STK24: variants seen among roughly 807,000 people sequenced by gnomAD.
STK24 encodes serine/threonine-protein kinase 24.
In STK24, 21 loss-of-function variants were observed where a neutral mutation model predicts 55.6. The observed-to-expected ratio is 0.38, with a 90% confidence interval of 0.27 to 0.54. The LOEUF is 0.54. STK24 is among the 20% of genes least tolerant of loss of function. The pLI is 0.79. For missense variants in STK24, 383 were observed against 538.4 expected, an observed-to-expected ratio of 0.71 and a Z score of 2.86; for synonymous variants, 200 against 215.2, an observed-to-expected ratio of 0.93 and a Z score of 0.62.
At chr13:98,567,210 G>A (rs746617965) in intron 1 of STK24, among the ~76,000 whole-genome samples, 1 of 152,192 alleles carries the variant, frequency 6.6e-6, no homozygotes, top group African/African-American at 2.4e-5. Flanking sequence ...CCCCCAGCGC[G>A]CAGACACCAC....
chr13:98,542,759 A>C (rs1896923325), intron 1 of STK24: 4 of 891,884 alleles, frequency 4.5e-6, no homozygotes, highest in Non-Finnish European at 5.4e-6. Context: ...ACAGCCCTAG[A>C]AAGGCTGATG....
chr13:98,456,578 G>T, intron 10 of STK24: 1 of 488,418 alleles, frequency 2.0e-6, no homozygotes, highest in South Asian at 1.5e-5. Context: ...AAGTTGGGAG[G>T]GGGCAGGGAG....
chr13:98,457,538 C>G (rs1292958050), intron 9 of STK24, among the ~76,000 whole-genome samples: 1 of 147,650 alleles, frequency 6.8e-6, no homozygotes, highest in Non-Finnish European at 1.5e-5. Context: ...GGCGTGATCT[C>G]AGCTCACTGC....
At chr13:98,496,931 C>T (rs1457357066) in intron 2 of STK24, among the ~76,000 whole-genome samples, 1 of 152,196 alleles carries the variant, frequency 6.6e-6, no homozygotes, top group African/African-American at 2.4e-5. Flanking sequence ...CAGTGAAATG[C>T]GCAAGCCACA....
intron 1 of STK24, among the ~76,000 whole-genome samples, chr13:98,565,504 T>G (rs1358175547): frequency 6.6e-6 from 1 of 151,830 alleles, no homozygotes; most frequent in African/African-American, 2.4e-5. Context: ...TGGTCGCGGG[T>G]GCCTGTAATC....
In STK24 at chr13:98,545,566, A is replaced by G. The variant is rs1240683467; in HGVS notation, c.43-26093T>C. On this transcript the variant is annotated intron_variant, in intron 1 of 10. Transcript: ENST00000539966. Reference sequence around the variant, plus strand: ...GGAGAATGGCGTGAACCCGGGAGGCAGAGCTTGCAGTGAGCCGAGATTACG... The same window carrying G: ...GGAGAATGGCGTGAACCCGGGAGGCGGAGCTTGCAGTGAGCCGAGATTACG... Among the ~76,000 whole-genome samples, 10 of 150,866 alleles carry G rather than the reference A, an allele frequency of 6.6e-5. No homozygotes were observed. The East Asian group carries it at 1.8e-3, about 27-fold the overall frequency.
rs553807150 is a variant in STK24, at chr13:98,462,579, A to G, written c.930-682T>C. 8.6e-5 allele frequency among the ~76,000 whole-genome samples: 13 copies of G among 151,358 alleles called. No individual in the cohort carries two copies. The East Asian group carries it at 2.5e-3, about 30-fold the overall frequency. On this transcript the variant is annotated intron_variant, in intron 7 of 10. Coordinates refer to ENST00000539966, the MANE Select transcript of STK24 (RefSeq NM_001032296.4). ...CCCTCTCACTCACAGGCGGAGCCTC[A>G]CCCTCACACCTAGGGGCCAGCCTCA...
At chr13:98,471,325 G>A (rs1271714602) in intron 5 of STK24, among the ~76,000 whole-genome samples, 18 of 152,100 alleles carry the variant, frequency 1.2e-4, no homozygotes, top group Non-Finnish European at 1.9e-4. Context: ...TTTTCACCAT[G>A]GTTACACTTC....
At chr13:98,467,024 C>T (rs566342469) in intron 5 of STK24, among the ~76,000 whole-genome samples, 28 of 152,276 alleles carry the variant, frequency 1.8e-4, no homozygotes, top group African/African-American at 6.0e-4. Context: ...AGTCCTGTGA[C>T]GTTAGATGAA....
rs575288091 is a variant in STK24, at chr13:98,562,917, T to TAAA, written c.42+13825_42+13827dup. ...GGCAACAGAGTGAGACTCCCTCTCT[T>TAAA]AAAAAAAAAAAAAAAAAAAGGTAAA... On this transcript the variant is annotated intron_variant, in intron 1 of 10. Coordinates refer to ENST00000539966, the MANE Select transcript of STK24 (RefSeq NM_001032296.4). Among the ~76,000 whole-genome samples the TAAA allele has an allele frequency of 1.3e-3, 146 of 109,116 alleles. 1 individual carries two copies. The highest frequency in any genetic ancestry group is 0.012 in the South Asian group (41 of 3,368). 71.6% of individuals were successfully genotyped at this position (109,116 alleles called of 152,430 possible). A position where few individuals can be genotyped will look rare whatever the true frequency, so the allele number is the denominator to read the frequency against.
chr13:98,548,807 A>G (rs1438230229), intron 1 of STK24, among the ~76,000 whole-genome samples: 1 of 141,474 alleles, frequency 7.1e-6, no homozygotes, highest in African/African-American at 2.7e-5. Context: ...GGTTGCAGTG[A>G]CCCAAGATCA....
At chr13:98,511,664 A>C (rs1791580619) in intron 2 of STK24, among the ~76,000 whole-genome samples, 1 of 152,332 alleles carries the variant, frequency 6.6e-6, no homozygotes, top group African/African-American at 2.4e-5. Context: ...AGGCATGACA[A>C]TAACTGAAAA....
chr13:98,446,296 C>T lies in STK24; in HGVS notation c.*6877G>A, dbSNP rs904058198. ...CGCCCTCCTCTGGAATGACTCAGGC[C>T]TCTTGGGCTCCAGGTGTCACGGGGA... On this transcript the variant is annotated 3_prime_UTR_variant, in exon 11 of 11. Transcript: ENST00000539966. 1.9e-5 allele frequency: 15 copies of T among 798,914 alleles called. No homozygotes were observed. In the African/African-American group the frequency reaches 2.4e-4, roughly 13 times the overall value. 49.5% of individuals were successfully genotyped at this position (798,914 alleles called of 1,614,324 possible).
At chr13:98,466,599 G>A in intron 5 of STK24, 38 bp from the exon 6 acceptor site, 1 of 1,604,836 alleles carries the variant, frequency 6.2e-7, no homozygotes, top group Non-Finnish European at 8.5e-7. Context: ...CACCAAGCAG[G>A]AATCTATTCC....
At chr13:98,495,083 C>T (rs764501033) in intron 2 of STK24, among the ~76,000 whole-genome samples, 9 of 152,200 alleles carry the variant, frequency 5.9e-5, no homozygotes, top group African/African-American at 1.2e-4. Flanking sequence ...GCAACAACCA[C>T]GACAACTTGT....
chr13:98,558,324 A>C (rs1423321525), intron 1 of STK24, among the ~76,000 whole-genome samples: 3 of 152,236 alleles, frequency 2.0e-5, no homozygotes, highest in Non-Finnish European at 4.4e-5. Flanking sequence ...ATACTTTCCC[A>C]GCATCCAGCT....
chr13:98,462,013 G>A (rs1268242093), intron 7 of STK24, 116 bp from the exon 8 acceptor site: 6 of 1,324,034 alleles, frequency 4.5e-6, no homozygotes, highest in Non-Finnish European at 5.2e-6. Flanking sequence ...CCAGCCCCAA[G>A]TCCCCACCCA....
intron 1 of STK24, among the ~76,000 whole-genome samples, chr13:98,530,641 G>A (rs1433943536): frequency 6.6e-6 from 1 of 152,112 alleles, no homozygotes; most frequent in Non-Finnish European, 1.5e-5. Flanking sequence ...CACAAAAGAA[G>A]AACCCAAAGC....
In STK24 at chr13:98,509,638, G is replaced by A. The variant is rs75847205; in HGVS notation, c.273+9605C>T. 9.0e-3 allele frequency among the ~76,000 whole-genome samples: 1,376 copies of A among 152,238 alleles called. 52 individuals are homozygous for A. Among genetic ancestry groups the A allele is most frequent in the Admixed American group, 0.06 (913 of 15,290 alleles). On this transcript the variant is annotated intron_variant, in intron 2 of 10. Transcript: ENST00000539966. ...AGCAGGGCTTAGTCACCCTTGACAC[G>A]GTCTCCAGTTCTAGACCACACCCAA...
Sources: gnomAD v4.1 joint callset for allele counts (sites outside exome capture counted in the v4.1 genomes callset) on GRCh38, gnomAD v4.1.1 for gene constraint, MANE v1.5 for transcripts, NCBI Gene and HGNC (gene_info 2026-07-23, HGNC 2026-07-21) for gene names.